The following MGA variants were observed in gnomAD, a reference collection of about 807,000 sequenced individuals.
MGA encodes MAX gene-associated protein.
In MGA, 40 loss-of-function variants were observed where a neutral mutation model predicts 261.1. The ratio of observed to expected loss-of-function variants is 0.15; its 90% CI spans 0.12 to 0.20. MGA has a LOEUF of 0.20. MGA is among the 10% of genes least tolerant of loss of function. MGA has a pLI of 1.00. For missense variants in MGA, 3,397 were observed against 3,630.5 expected (o/e 0.94, Z 1.65); for synonymous variants, 1,302 against 1,290.6 (o/e 1.01, Z -0.19).
At chr15:41,715,076 G>A (rs1282588007) in intron 9 of MGA, among the ~76,000 whole-genome samples, 2 of 112,538 alleles carry the variant, frequency 1.8e-5, no homozygotes, top group African/African-American at 6.7e-5. Flanking sequence ...CTGCCCACCC[G>A]CCCCCAGTGA....
chr15:41,704,665 A>C (rs1278918157), intron 5 of MGA, among the ~76,000 whole-genome samples: 7 of 152,194 alleles, frequency 4.6e-5, no homozygotes, highest in Non-Finnish European at 1.0e-4. Flanking sequence ...CTCAAAAACA[A>C]AACAAAACAA....
At chr15:41,689,278 CCT>C (rs921185052) in intron 2 of MGA, among the ~76,000 whole-genome samples, 130 of 151,356 alleles carry the variant, frequency 8.6e-4, no homozygotes, top group Non-Finnish European at 1.4e-3. Flanking sequence ...TCGCTCTCAT[CCT>C]CTCTTGCCTT....
In MGA at chr15:41,736,334, A is replaced by T. The variant is rs781569244; in HGVS notation, c.4070A>T (p.Gln1357Leu). 7 of 1,613,932 alleles carry T rather than the reference A, an allele frequency of 4.3e-6. No homozygotes were observed. The change falls in exon 13 of 24, where the codon CAG becomes CTG. Residue 1357 changes from glutamine to leucine, a missense_variant. Gln to Leu is a moderately radical substitution (Grantham distance 113, BLOSUM62 -2). Around this residue, in one of 9 missense-constraint regions of MGA, gnomAD observed 1,410 missense variants for 1,386.4 expected, o/e 1.02. Coordinates refer to ENST00000219905, the MANE Select transcript of MGA (RefSeq NM_001164273.2). ...AACAAGATTTTGAGCATCTTATCCC[A>T]GCACATCAATAGCAACATGCCACAA...
Position 41,742,683 on chromosome 15 carries a change from G to A in MGA, c.4723G>A (p.Val1575Ile). The change falls in exon 15 of 24, where the codon GTA becomes ATA. Residue 1575 changes from valine to isoleucine, a missense_variant. Val to Ile is a conservative substitution (Grantham distance 29). Coordinates refer to ENST00000219905, the MANE Select transcript of MGA (RefSeq NM_001164273.2). ...GAAGTTCAGTATCAGACCTTCTCCA[G>A]TAATGGTCGTCACACCTGTGGTTTC... The A allele has an allele frequency of 2.5e-6, 4 of 1,614,004 alleles. No individual in the cohort carries two copies. The highest frequency in any genetic ancestry group is 3.4e-6 in the Non-Finnish European group (4 of 1,179,896).
chr15:41,767,530 T>G lies in MGA; in HGVS notation c.*250T>G, dbSNP rs1434763928. ...CCTCATCCTCTCTAAGAAGATGTGA[T>G]CCATTACTGAACATGAGGTGCCCCT... On this transcript the variant is annotated 3_prime_UTR_variant, in exon 24 of 24. Transcript: ENST00000219905. 2.0e-6 allele frequency: 1 copy of G among 506,254 alleles called. No individual in the cohort carries two copies. Among genetic ancestry groups the G allele is most frequent in the Non-Finnish European group, 3.5e-6 (1 of 284,788 alleles). The allele number at this position is 506,254 out of a possible 1,614,324, so 31.4% of individuals were successfully genotyped here.
Position 41,713,386 on chromosome 15 carries a change from A to G in MGA, c.3320A>G (p.Asp1107Gly). 6.2e-7 allele frequency: 1 copy of G among 1,609,042 alleles called. No individual in the cohort carries two copies. The highest frequency in any genetic ancestry group is 1.3e-5 in the African/African-American group (1 of 74,988). The change falls in exon 9 of 24, where the codon GAT becomes GGT. Residue 1107 changes from aspartate to glycine, a missense_variant. Physicochemically the swap from Asp to Gly is moderately conservative, Grantham distance 94. Coordinates refer to ENST00000219905, the MANE Select transcript of MGA (RefSeq NM_001164273.2). ...TTTCAGAGGAAGGCTGCTCATCGAG[A>G]TCCAGTATTTTATGATACTCTGGGA...
intron 22 of MGA, 52 bp from the exon 23 acceptor site, chr15:41,764,834 A>G (rs2063715805): frequency 1.3e-6 from 2 of 1,581,106 alleles, no homozygotes; most frequent in South Asian, 2.2e-5. Flanking sequence ...ATGAGCCACC[A>G]CACCCAGCTG....
chr15:41,742,658 G>C lies in MGA; in HGVS notation c.4698G>C (p.Gln1566His). Residue 1566 changes from glutamine (Q) to histidine (H), a missense_variant, in exon 15 of 24, where the codon CAG (glutamine) becomes CAC (histidine). Transcript: ENST00000219905. Reference sequence around the variant, plus strand: ...CACCCCAAACCCTGGCAGGGACACAGAAGTTCAGTATCAGACCTTCTCCAG... The same window carrying C: ...CACCCCAAACCCTGGCAGGGACACACAAGTTCAGTATCAGACCTTCTCCAG... The C allele has an allele frequency of 3.7e-6, 6 of 1,613,960 alleles. No individual in the cohort carries two copies. Among genetic ancestry groups the C allele is most frequent in the African/African-American group, 1.3e-5 (1 of 75,032 alleles).
At chr15:41,756,315 A>G (rs915041329) in intron 18 of MGA, among the ~76,000 whole-genome samples, 10 of 152,216 alleles carry the variant, frequency 6.6e-5, no homozygotes, top group African/African-American at 2.4e-4. Context: ...ACACATGTAC[A>G]TTTGTTCAGC....
intron 2 of MGA, among the ~76,000 whole-genome samples, chr15:41,685,250 G>A (rs2058893181): frequency 6.6e-6 from 1 of 152,144 alleles, no homozygotes; most frequent in Non-Finnish European, 1.5e-5. Context: ...TGTTGCTTAG[G>A]AAAATCAGCT....
At chr15:41,634,222 A>G (rs1170996585) in intron 1 of MGA, among the ~76,000 whole-genome samples, 4 of 152,136 alleles carry the variant, frequency 2.6e-5, no homozygotes, top group Non-Finnish European at 5.9e-5. Flanking sequence ...TACCATGAGG[A>G]CAGGGATTTT....
rs747951079 is a variant in MGA at position 41,749,744 on chromosome 15, A to C, written c.6137A>C (p.Lys2046Thr). Residue 2046 changes from lysine (K) to threonine (T), a missense_variant, in exon 17 of 24, where the codon AAA becomes ACA. Transcript: ENST00000219905. ...CCAGAAGAAGGTTGTGCAACTGTCA[A>C]ACCATCTGAGCATTCCTGTATCACT... The C allele has an allele frequency of 6.2e-7, 1 of 1,614,016 alleles. No individual in the cohort carries two copies. Among genetic ancestry groups the C allele is most frequent in the East Asian group, 2.2e-5 (1 of 44,886 alleles).
intron 1 of MGA, among the ~76,000 whole-genome samples, chr15:41,651,481 G>A (rs2057040851): frequency 6.6e-6 from 1 of 151,948 alleles, no homozygotes; most frequent in African/African-American, 2.4e-5. Context: ...CAGCTGAAAA[G>A]TCTCCTCTTC....
intron 1 of MGA, among the ~76,000 whole-genome samples, chr15:41,633,357 T>A (rs977374525): frequency 8.0e-4 from 37 of 46,106 alleles, no homozygotes; most frequent in African/African-American, 2.5e-3. Flanking sequence ...CTATGGTATT[T>A]TTTTTTTTTT....
intron 11 of MGA, 110 bp from the exon 12 acceptor site, chr15:41,734,412 T>C (rs2061669233): frequency 1.2e-6 from 1 of 831,408 alleles, no homozygotes; most frequent in African/African-American, 1.7e-5. Flanking sequence ...GACATTTCAG[T>C]CATTCTAATG....
intron 1 of MGA, among the ~76,000 whole-genome samples, chr15:41,628,307 C>T (rs953988777): frequency 1.5e-5 from 2 of 133,922 alleles, no homozygotes; most frequent in African/African-American, 2.8e-5. Context: ...CGGGAGGTTG[C>T]GGTGAGCTGA....
intron 19 of MGA, chr15:41,760,009 A>G: frequency 4.2e-6 from 1 of 237,202 alleles, no homozygotes; most frequent in Non-Finnish European, 8.4e-6. Flanking sequence ...TTAGTAATAC[A>G]ATAAATTACT....
At chr15:41,670,480 T>C (rs1365809328) in intron 2 of MGA, among the ~76,000 whole-genome samples, 2 of 152,166 alleles carry the variant, frequency 1.3e-5, no homozygotes, top group East Asian at 1.9e-4. Context: ...GCTTCAGTTA[T>C]GCCAGGTAAA....
At chr15:41,659,509 A>G (rs2057286619), upstream of MGA, among the ~76,000 whole-genome samples, 1 of 152,204 alleles carries the variant, frequency 6.6e-6, no homozygotes, top group Non-Finnish European at 1.5e-5. Context: ...CTTCCTTTTT[A>G]CTGGTGTCAG....
Sources: gnomAD v4.1 joint callset for allele counts (sites outside exome capture counted in the v4.1 genomes callset) on GRCh38, gnomAD v4.1.1 for gene constraint, gnomAD v4.1.1 regional missense constraint, MANE v1.5 for transcripts, NCBI Gene and HGNC (gene_info 2026-07-23, HGNC 2026-07-21) for gene names.